PKIB: variants seen among roughly 807,000 people sequenced by gnomAD.
PKIB encodes the protein PKI-beta.
PKIB carries 2 observed loss-of-function variants against 4.5 expected under a neutral mutation model. That is an observed-to-expected ratio of 0.44 (90% CI 0.18 to 1.39). The LOEUF (loss-of-function observed/expected upper bound fraction) is 1.39, where lower values mean the gene tolerates loss of function less well. Among genes scored for constraint, PKIB ranks in the 40% most tolerant of loss-of-function variants. PKIB has a pLI of 0.27. For synonymous variants in PKIB, 38 were observed against 36.0 expected (o/e 1.06, Z -0.20); for missense variants, 94 against 92.6 (o/e 1.02, Z -0.06).
At chr6:122,670,498 T>TTTTTTGTTGTTGTTG (rs1777418706) in intron 2 of PKIB, among the ~76,000 whole-genome samples, 1 of 151,110 alleles carries the variant, frequency 6.6e-6, no homozygotes, top group Non-Finnish European at 1.5e-5. Flanking sequence ...ATCACATGTT[T>TTTTTTGTTGTTGTTG]TTGTTGTTGT....
At chr6:122,615,288 G>T (rs900245162) in intron 1 of PKIB, among the ~76,000 whole-genome samples, 6 of 152,126 alleles carry the variant, frequency 3.9e-5, no homozygotes, top group African/African-American at 1.4e-4. Context: ...TTCATCTGAA[G>T]GCTACTGGAA....
chr6:122,643,449 T>G (rs1776193240), intron 2 of PKIB: 2 of 152,246 alleles, frequency 1.3e-5, no homozygotes, highest in African/African-American at 4.8e-5. Flanking sequence ...TATTCTTGAT[T>G]GCCTGCTGGA....
chr6:122,473,954 G>A (rs1485574310), intron 1 of PKIB, among the ~76,000 whole-genome samples: 2 of 152,156 alleles, frequency 1.3e-5, no homozygotes, highest in South Asian at 2.1e-4. Flanking sequence ...CCAACATGGC[G>A]AAAACCTGTC....
At chr6:122,536,628 A>G (rs73547250) in intron 2 of PKIB, among the ~76,000 whole-genome samples, 296 of 152,286 alleles carry the variant, frequency 1.9e-3, no homozygotes, top group African/African-American at 6.8e-3. Flanking sequence ...AAGATCCTTT[A>G]TGTCCACTTT....
chr6:122,474,417 T>C (rs763270363), intron 1 of PKIB, among the ~76,000 whole-genome samples: 1 of 152,186 alleles, frequency 6.6e-6, no homozygotes, highest in Non-Finnish European at 1.5e-5. Flanking sequence ...AATGTATTAA[T>C]ATGCACTGTA....
At chr6:122,614,131 G>A (rs894721588) in intron 1 of PKIB, among the ~76,000 whole-genome samples, 1 of 152,156 alleles carries the variant, frequency 6.6e-6, no homozygotes, top group African/African-American at 2.4e-5. Context: ...TTGTAAAAAT[G>A]TGACATTGCC....
At chr6:122,514,779 G>GA (rs1481326065) in intron 2 of PKIB, among the ~76,000 whole-genome samples, 2 of 152,106 alleles carry the variant, frequency 1.3e-5, no homozygotes, top group African/African-American at 4.8e-5. Flanking sequence ...GGAAAGGGGA[G>GA]AAGGGAGCCC....
At chr6:122,687,817 A>G (rs1458691365) in intron 3 of PKIB, among the ~76,000 whole-genome samples, 1 of 152,176 alleles carries the variant, frequency 6.6e-6, no homozygotes, top group Non-Finnish European at 1.5e-5. Flanking sequence ...GCATCCTGAT[A>G]TTCTACTGAG....
intron 1 of PKIB, among the ~76,000 whole-genome samples, chr6:122,619,250 T>C (rs1003676667): frequency 1.3e-5 from 2 of 152,146 alleles, no homozygotes; most frequent in African/African-American, 4.8e-5. Flanking sequence ...TATTCTCACG[T>C]AGTTTGTGAA....
rs1772530419 is a variant in PKIB, at chr6:122,547,492, A to G, written c.-247-38429A>G. Among the ~76,000 whole-genome samples the G allele has an allele frequency of 2.6e-5, 4 of 151,828 alleles. 1 individual carries two copies. In the South Asian group the frequency reaches 8.3e-4, roughly 32 times the overall value. On this transcript the variant is annotated intron_variant, in intron 2 of 6. Coordinates refer to the PKIB transcript ENST00000392491. ...CTGGAATTACAGGCGCCCGCCACCA[A>G]GCCCAGCTAATTTTTTTGTATTTTT...
At chr6:122,489,329 C>T (rs919229844) in intron 2 of PKIB, among the ~76,000 whole-genome samples, 5 of 152,056 alleles carry the variant, frequency 3.3e-5, no homozygotes, top group Non-Finnish European at 7.4e-5. Context: ...CTCACTTCAA[C>T]CTCTGCCTCC....
chr6:122,673,001 T>G (rs2114950571), intron 2 of PKIB, among the ~76,000 whole-genome samples: 1 of 152,214 alleles, frequency 6.6e-6, no homozygotes, highest in Non-Finnish European at 1.5e-5. Flanking sequence ...TCTGAATTTT[T>G]ATGTACATTA....
intron 2 of PKIB, among the ~76,000 whole-genome samples, chr6:122,561,622 T>C (rs1047112585): frequency 9.9e-5 from 15 of 152,096 alleles, no homozygotes; most frequent in Admixed American, 3.9e-4. Context: ...ATGTTTAGGA[T>C]TGTAATATTT....
chr6:122,723,289 G>A (rs1779813532), intron 4 of PKIB, among the ~76,000 whole-genome samples: 2 of 152,230 alleles, frequency 1.3e-5, no homozygotes, highest in South Asian at 2.1e-4. Flanking sequence ...TATACTAATT[G>A]CCTAATTGGC....
intron 2 of PKIB, chr6:122,531,132 A>C (rs1777243175): frequency 6.6e-6 from 1 of 152,228 alleles, no homozygotes; most frequent in Non-Finnish European, 1.5e-5. Flanking sequence ...TGAACATTGT[A>C]AGGGAGCTAT....
intron 2 of PKIB, among the ~76,000 whole-genome samples, chr6:122,530,662 A>T (rs968024120): frequency 3.3e-5 from 5 of 152,108 alleles, no homozygotes; most frequent in African/African-American, 1.2e-4. Context: ...TGTTTTTCTG[A>T]GGAACTGCAG....
intron 2 of PKIB, among the ~76,000 whole-genome samples, chr6:122,656,877 C>A (rs530315704): frequency 6.6e-6 from 1 of 152,328 alleles, no homozygotes; most frequent in South Asian, 2.1e-4. Flanking sequence ...AAGAGGCTGT[C>A]TCTGTCTCCT....
At chr6:122,627,116 G>T (rs181364015) in intron 1 of PKIB, among the ~76,000 whole-genome samples, 3 of 149,568 alleles carry the variant, frequency 2.0e-5, no homozygotes, top group African/African-American at 7.4e-5. Flanking sequence ...GCTGGCGGGC[G>T]CCTGTAGTCC....
At chr6:122,561,912 T>A (rs1037588549) in intron 2 of PKIB, among the ~76,000 whole-genome samples, 1 of 151,706 alleles carries the variant, frequency 6.6e-6, no homozygotes, top group African/African-American at 2.4e-5. Flanking sequence ...CCAATTACAT[T>A]CAATGTTAGT....
Sources: gnomAD v4.1 joint callset for allele counts (sites outside exome capture counted in the v4.1 genomes callset) on GRCh38, gnomAD v4.1.1 for gene constraint, MANE v1.5 for transcripts, NCBI Gene and HGNC (gene_info 2026-07-23, HGNC 2026-07-21) for gene names.